Variants in RBM47 observed in about 807,000 individuals in gnomAD.
RBM47 encodes RNA-binding protein 47.
In RBM47, 21 loss-of-function variants were observed where a neutral mutation model predicts 47.1. That is an observed-to-expected ratio of 0.45 (90% CI 0.32 to 0.64). RBM47 has a LOEUF of 0.64. RBM47 is among the 30% of genes least tolerant of loss of function. The pLI is 0.05. For missense variants in RBM47, 708 were observed against 870.9 expected (o/e 0.81, Z 2.35); for synonymous variants, 375 against 361.7 (o/e 1.04, Z -0.42).
intron 2 of RBM47, among the ~76,000 whole-genome samples, chr4:40,498,660 G>GTGAA (rs1722956489): frequency 1.9e-5 from 2 of 104,330 alleles, no homozygotes; most frequent in African/African-American, 7.8e-5. Flanking sequence ...GCAACAGAGA[G>GTGAA]ACTCCATCTC....
intron 1 of RBM47, among the ~76,000 whole-genome samples, chr4:40,547,445 G>A (rs1362074560): frequency 6.6e-6 from 1 of 152,236 alleles, no homozygotes; most frequent in Non-Finnish European, 1.5e-5. Context: ...CTGCAAGCCA[G>A]GCAGAAAAGC....
At chr4:40,620,376 G>C (rs1737158822) in intron 1 of RBM47, among the ~76,000 whole-genome samples, 1 of 150,718 alleles carries the variant, frequency 6.6e-6, no homozygotes, top group Admixed American at 6.6e-5. Flanking sequence ...ATGGTGGCAG[G>C]CGCCTGTAAT....
intron 2 of RBM47, among the ~76,000 whole-genome samples, chr4:40,474,402 C>T (rs747651600): frequency 2.0e-5 from 3 of 151,956 alleles, no homozygotes; most frequent in South Asian, 2.1e-4. Context: ...ACACAAATAA[C>T]GATGATCTTG....
chr4:40,433,625 C>T (rs956196606), intron 5 of RBM47, among the ~76,000 whole-genome samples: 3 of 152,106 alleles, frequency 2.0e-5, no homozygotes, highest in Admixed American at 6.6e-5. Flanking sequence ...CATTACCAGC[C>T]GCACTGCCTT....
chr4:40,626,292 T>C (rs1395665606), intron 1 of RBM47, among the ~76,000 whole-genome samples: 3 of 152,186 alleles, frequency 2.0e-5, no homozygotes, highest in Non-Finnish European at 2.9e-5. Context: ...AGGCAGACAG[T>C]GGGAGTATGG....
At chr4:40,504,426 G>T (rs1723814636) in intron 2 of RBM47, among the ~76,000 whole-genome samples, 1 of 151,902 alleles carries the variant, frequency 6.6e-6, no homozygotes, top group Admixed American at 6.6e-5. Flanking sequence ...CAGTAGCTGG[G>T]ATTACAGGTG....
chr4:40,596,265 G>A (rs1351633561), intron 1 of RBM47, among the ~76,000 whole-genome samples: 8 of 152,350 alleles, frequency 5.3e-5, no homozygotes, highest in Admixed American at 4.6e-4. Context: ...ACATCATTCC[G>A]TGGATAGAGG....
chr4:40,616,385 T>C, intron 1 of RBM47, among the ~76,000 whole-genome samples: 1 of 148,648 alleles, frequency 6.7e-6, no homozygotes. Context: ...AAAAAATCAC[T>C]TCTTTGGTCA....
intron 1 of RBM47, among the ~76,000 whole-genome samples, chr4:40,625,673 C>T (rs1737675918): frequency 6.6e-6 from 1 of 152,180 alleles, no homozygotes; most frequent in African/African-American, 2.4e-5. Context: ...ATTCAGCGTA[C>T]ACCCACCAGG....
At chr4:40,481,756 T>C (rs1465012962) in intron 2 of RBM47, among the ~76,000 whole-genome samples, 1 of 152,228 alleles carries the variant, frequency 6.6e-6, no homozygotes, top group Non-Finnish European at 1.5e-5. Flanking sequence ...TTTGCCATGT[T>C]GGCCAGGCTG....
intron 1 of RBM47, among the ~76,000 whole-genome samples, chr4:40,610,252 T>C (rs113268095): frequency 2.0e-4 from 30 of 152,254 alleles, no homozygotes; most frequent in Non-Finnish European, 1.5e-4. Context: ...CTTCTGTGTA[T>C]GGGGATCATA....
In RBM47 at chr4:40,563,840, C is replaced by G. The variant is rs142644598; in HGVS notation, c.-239-19334G>C. The stretch of plus-strand genomic sequence containing the variant: ...GAAGGCACATTTACAATGGCAATTG[C>G]CCAATGTATTTGAAAGTTATGAAAA... On this transcript the variant is annotated intron_variant, in intron 1 of 6. Coordinates refer to ENST00000295971, the MANE Select transcript of RBM47 (RefSeq NM_001098634.2). Among the ~76,000 whole-genome samples, 264 of 152,270 alleles carry G rather than the reference C, an allele frequency of 1.7e-3. 1 individual carries two copies. The highest frequency in any genetic ancestry group is 6.3e-3 in the African/African-American group (260 of 41,550).
At position 40,466,176 on chromosome 4, in the gene RBM47, G is replaced by A. The variant is rs111273772; in HGVS notation, c.-32+401C>T. 5.4e-3 allele frequency among the ~76,000 whole-genome samples: 813 copies of A among 150,844 alleles called. 17 individuals are homozygous for A. Among genetic ancestry groups the A allele is most frequent in the African/African-American group, 0.019 (786 of 41,090 alleles). Reference sequence around the variant, plus strand: ...CCAGCTACTCGGGAGGCTGAGTCACGAGAATTGCTTGAACCTGGGAGGTGA... The same window carrying A: ...CCAGCTACTCGGGAGGCTGAGTCACAAGAATTGCTTGAACCTGGGAGGTGA... On this transcript the variant is annotated intron_variant, in intron 3 of 6. Transcript: ENST00000295971.
At chr4:40,505,573 T>A (rs1026548397) in intron 2 of RBM47, among the ~76,000 whole-genome samples, 5 of 151,394 alleles carry the variant, frequency 3.3e-5, no homozygotes, top group Non-Finnish European at 7.4e-5. Flanking sequence ...CAAATCAACG[T>A]TATTTCCTAG....
At chr4:40,453,905 C>G (rs546375082) in intron 3 of RBM47, among the ~76,000 whole-genome samples, 33 of 151,942 alleles carry the variant, frequency 2.2e-4, no homozygotes, top group Middle Eastern at 6.8e-3. Flanking sequence ...GGTTTTAAAA[C>G]TCCCAAGTTA....
chr4:40,546,339 G>C (rs1419779449), intron 1 of RBM47, among the ~76,000 whole-genome samples: 1 of 151,920 alleles, frequency 6.6e-6, no homozygotes, highest in Non-Finnish European at 1.5e-5. Flanking sequence ...TAGTAGAGAT[G>C]GGGTTTCACC....
At chr4:40,484,163 CA>C (rs1560408695) in intron 2 of RBM47, among the ~76,000 whole-genome samples, 1 of 152,046 alleles carries the variant, frequency 6.6e-6, no homozygotes, top group Non-Finnish European at 1.5e-5. Flanking sequence ...TTATAGTAAT[CA>C]AATGTAGAAA....
chr4:40,627,425 G>A (rs570346300), intron 1 of RBM47, among the ~76,000 whole-genome samples: 101 of 152,022 alleles, frequency 6.6e-4, no homozygotes, highest in East Asian at 3.9e-3. Context: ...CTCCCTTCAC[G>A]CTTATATCCA....
At chr4:40,526,551 CTTTTTGTTTTTTGTTTTTGGGG>C (rs1313550567) in intron 2 of RBM47, among the ~76,000 whole-genome samples, 6 of 152,004 alleles carry the variant, frequency 3.9e-5, no homozygotes, top group South Asian at 4.1e-4. Flanking sequence ...TTATTTGTTT[CTTTTTGTTTTTTGTTTTTGGGG>C]TTTTTGTTTT....
Sources: gnomAD v4.1 joint callset for allele counts (sites outside exome capture counted in the v4.1 genomes callset) on GRCh38, gnomAD v4.1.1 for gene constraint, MANE v1.5 for transcripts, NCBI Gene and HGNC (gene_info 2026-07-23, HGNC 2026-07-21) for gene names.